Variants in DNAH12 observed in about 807,000 individuals in gnomAD.
The protein encoded by DNAH12 is dynein axonemal heavy chain 12.
DNAH12 carries 285 observed loss-of-function variants against 371.5 expected under a neutral mutation model. The observed-to-expected ratio is 0.77, with a 90% confidence interval of 0.70 to 0.85. The LOEUF is 0.85. Ranked by LOEUF, DNAH12 falls within the 40% of genes least tolerant of loss-of-function variation. The pLI is 0.00. For missense variants in DNAH12, 3,611 were observed against 3,689.4 expected, an observed-to-expected ratio of 0.98 and a Z score of 0.55; for synonymous variants, 1,200 against 1,213.0, an observed-to-expected ratio of 0.99 and a Z score of 0.22.
intron 52 of DNAH12, 102 bp downstream of exon 52, chr3:57,379,056 G>A (rs2063335624): frequency 6.6e-6 from 1 of 152,306 alleles, no homozygotes; most frequent in Admixed American, 6.5e-5. Context: ...CAAATTCTCT[G>A]TGTGGTCACT....
the DNAH12 span, among the ~76,000 whole-genome samples, chr3:57,549,690 C>A: frequency 6.6e-6 from 1 of 151,968 alleles, no homozygotes; most frequent in South Asian, 2.1e-4. Context: ...ATGGCGCAAT[C>A]TCAGCTCACT....
chr3:57,296,852 A>ATGAATTTGAGTTACTCAAT lies in DNAH12; in HGVS notation c.11526_11527insATTGAGTAACTCAAATTCA (p.Phe3843IlefsTer3). ...ACTTTAAGGAGTTACTATACCTCAAATTCATATCCTAGCAAATCAATAGGG... is the reference window on the plus strand; with the variant it reads ...ACTTTAAGGAGTTACTATACCTCAAATGAATTTGAGTTACTCAATTTCATATCCTAGCAAATCAATAGGG... On this transcript the variant is annotated stop_gained and frameshift_variant, in exon 71 of 74. Transcript: ENST00000495027. LOFTEE classifies it high-confidence loss of function. The ATGAATTTGAGTTACTCAAT allele has an allele frequency of 6.4e-7, 1 of 1,551,514 alleles. No individual in the cohort carries two copies. Among genetic ancestry groups the ATGAATTTGAGTTACTCAAT allele is most frequent in the South Asian group, 1.2e-5 (1 of 84,002 alleles).
At chr3:57,489,741 T>C (rs1336706779) in intron 11 of DNAH12, 54 bp from the exon 12 acceptor site, 12 of 1,422,212 alleles carry the variant, frequency 8.4e-6, no homozygotes, top group Non-Finnish European at 8.4e-6. Flanking sequence ...TTCAGTGATT[T>C]TATAATATTG....
chr3:57,308,009 T>G (rs1050927897), intron 69 of DNAH12, among the ~76,000 whole-genome samples: 2 of 152,228 alleles, frequency 1.3e-5, no homozygotes, highest in Non-Finnish European at 2.9e-5. Context: ...GTGTTCCATC[T>G]GCTATTCTAC....
chr3:57,547,350 G>A (rs2153405315), upstream of DNAH12, among the ~76,000 whole-genome samples: 1 of 149,962 alleles, frequency 6.7e-6, no homozygotes, highest in African/African-American at 2.5e-5. Flanking sequence ...TAGAGACAAA[G>A]TCTCACAATG....
chr3:57,319,866 T>C (rs561397323), intron 65 of DNAH12, among the ~76,000 whole-genome samples: 2 of 152,252 alleles, frequency 1.3e-5, no homozygotes, highest in Admixed American at 1.3e-4. Flanking sequence ...ATTACAGGCA[T>C]GAGCCACCAT....
Position 57,421,708 on chromosome 3 carries a change from T to G in DNAH12, c.5374-2A>C. ...AATCAAAGAGAATATAAAGCAAGCC[T>G]GTTGGTGGAGAAAAAATTTAACTTA... On this transcript the variant is annotated splice_acceptor_variant, in intron 35 of 73. Coordinates refer to ENST00000495027, the MANE Select transcript of DNAH12 (RefSeq NM_001366028.2). LOFTEE classifies it high-confidence loss of function. 1 of 1,551,446 alleles carries G rather than the reference T, an allele frequency of 6.4e-7. No individual in the cohort carries two copies. The highest frequency in any genetic ancestry group is 8.7e-7 in the Non-Finnish European group (1 of 1,146,922).
At chr3:57,519,612 G>C in intron 4 of DNAH12, 1 of 1,013,192 alleles carries the variant, frequency 9.9e-7, no homozygotes, top group Non-Finnish European at 1.6e-6. Context: ...AAGGGCACTT[G>C]ATAACAAGAT....
chr3:57,309,323 T>C (rs2061539101), intron 68 of DNAH12, 69 bp from the exon 69 acceptor site: 1 of 1,250,306 alleles, frequency 8.0e-7, no homozygotes. Context: ...TCAGCCATTA[T>C]ATAATAATAG....
At chr3:57,342,914 A>C (rs2153315614) in intron 60 of DNAH12, among the ~76,000 whole-genome samples, 1 of 152,062 alleles carries the variant, frequency 6.6e-6, no homozygotes, top group South Asian at 2.1e-4. Flanking sequence ...CAAAAAGAAA[A>C]ATACAAAAAT....
At chr3:57,367,080 C>CA (rs2063067172) in intron 56 of DNAH12, among the ~76,000 whole-genome samples, 159 bp from the exon 57 acceptor site, 1 of 152,156 alleles carries the variant, frequency 6.6e-6, no homozygotes, top group Non-Finnish European at 1.5e-5. Context: ...ATAATACCAA[C>CA]ACTTTGGGAG....
chr3:57,388,598 G>A (rs1049808290), intron 45 of DNAH12, among the ~76,000 whole-genome samples: 224 of 152,018 alleles, frequency 1.5e-3, no homozygotes, highest in Non-Finnish European at 2.4e-3. Flanking sequence ...ATTAAGATTA[G>A]TGAAATTTTA....
intron 32 of DNAH12, among the ~76,000 whole-genome samples, chr3:57,432,317 G>A (rs756486671): frequency 1.3e-4 from 20 of 148,954 alleles, no homozygotes; most frequent in Admixed American, 7.5e-4. Context: ...TTACAGGCGC[G>A]CGCCACCACA....
At chr3:57,324,792 G>C (rs1211273760) in intron 62 of DNAH12, among the ~76,000 whole-genome samples, 1 of 152,256 alleles carries the variant, frequency 6.6e-6, no homozygotes, top group African/African-American at 2.4e-5. Context: ...GGAAGCGCAA[G>C]GGGTCAGGGA....
intron 35 of DNAH12, among the ~76,000 whole-genome samples, chr3:57,422,231 ATTTTTT>A (rs111276086): frequency 2.0e-5 from 3 of 147,072 alleles, no homozygotes; most frequent in Non-Finnish European, 4.5e-5. Flanking sequence ...ATCAAAAAAA[ATTTTTT>A]TTTCTTTTTT....
At chr3:57,398,036 C>T (rs2063781269) in intron 43 of DNAH12, among the ~76,000 whole-genome samples, 1 of 152,014 alleles carries the variant, frequency 6.6e-6, no homozygotes, top group African/African-American at 2.4e-5. Context: ...CTGAAAGGAA[C>T]CCAGAGCTAA....
At chr3:57,545,252 T>G (rs2069467207), upstream of DNAH12, among the ~76,000 whole-genome samples, 2 of 151,678 alleles carry the variant, frequency 1.3e-5, no homozygotes, top group Non-Finnish European at 2.9e-5. Flanking sequence ...CAAGTGATTG[T>G]CTTGCCTCAG....
chr3:57,378,446 T>C (rs2063325571), intron 52 of DNAH12, among the ~76,000 whole-genome samples: 1 of 152,182 alleles, frequency 6.6e-6, no homozygotes, highest in Non-Finnish European at 1.5e-5. Context: ...TACAGGTACA[T>C]GTACATATAT....
In DNAH12 at chr3:57,427,138, ATGTG is replaced by A. The variant is rs71088070; in HGVS notation, c.5253+1491_5253+1494del. 2.1e-3 allele frequency among the ~76,000 whole-genome samples: 295 copies of A among 138,854 alleles called. 2 individuals carry two copies. Among genetic ancestry groups the A allele is most frequent in the East Asian group, 5.8e-3 (28 of 4,796 alleles). 91.1% of individuals were successfully genotyped at this position (138,854 alleles called of 152,430 possible). A position where few individuals can be genotyped will look rare whatever the true frequency, so the allele number is the denominator to read the frequency against. The stretch of plus-strand genomic sequence containing the variant: ...ATATTTATTTATATGTAAGAAGCGA[ATGTG>A]TGTGTGTGTGTGTGTGTGTGTGTGT... On this transcript the variant is annotated intron_variant, in intron 34 of 73. Transcript: ENST00000495027.
Sources: allele counts gnomAD v4.1 joint callset (sites outside exome capture counted in the v4.1 genomes callset), GRCh38; gene constraint gnomAD v4.1.1; transcripts MANE v1.5; gene names NCBI Gene and HGNC (gene_info 2026-07-23, HGNC 2026-07-21).